The following NOL4 variants were observed in gnomAD, a reference collection of about 807,000 sequenced individuals.
NOL4 encodes the protein nucleolar protein 4.
A neutral mutation model predicts 75.9 loss-of-function variants in NOL4; 17 were observed. The observed-to-expected ratio is 0.22, with a 90% CI of 0.15 to 0.34. The LOEUF (loss-of-function observed/expected upper bound fraction) is 0.34, where lower values mean the gene tolerates loss of function less well. NOL4 is among the 10% of genes least tolerant of loss of function. NOL4 has a pLI of 1.00. For synonymous variants in NOL4, 292 were observed against 289.9 expected, an observed-to-expected ratio of 1.01 and a Z score of -0.07; for missense variants, 614 against 793.5, an observed-to-expected ratio of 0.77 and a Z score of 2.72.
At chr18:33,922,701 T>C (rs1404348296) in intron 9 of NOL4, among the ~76,000 whole-genome samples, 2 of 152,212 alleles carry the variant, frequency 1.3e-5, no homozygotes, top group Admixed American at 1.3e-4. Flanking sequence ...AATTTTGTGC[T>C]ACTGAAACTA....
In NOL4 at chr18:33,938,188, C is replaced by T. The variant is rs1045127770; in HGVS notation, c.1542+4877G>A. On this transcript the variant is annotated intron_variant, in intron 9 of 10. Transcript: ENST00000261592. ...CACAAATCATTCCACCTCTCTGGGC[C>T]GCAGTTTTCTTACATGTAAATGAGA... Among the ~76,000 whole-genome samples the T allele has an allele frequency of 2.1e-4, 32 of 151,922 alleles. No individual in the cohort carries two copies. The East Asian group carries it at 2.3e-3, about 11-fold the overall frequency.
intron 6 of NOL4, among the ~76,000 whole-genome samples, chr18:34,009,434 T>C (rs910010905): frequency 1.3e-5 from 2 of 151,960 alleles, no homozygotes; most frequent in Non-Finnish European, 2.9e-5. Context: ...AACTTCCAAA[T>C]GAATATTAAC....
At chr18:33,965,973 T>C (rs1179486621) in intron 6 of NOL4, among the ~76,000 whole-genome samples, 1 of 152,178 alleles carries the variant, frequency 6.6e-6, no homozygotes, top group Admixed American at 6.5e-5. Context: ...TGGTTCATTG[T>C]AGTCTCTATT....
intron 9 of NOL4, among the ~76,000 whole-genome samples, chr18:33,892,703 G>C (rs931870014): frequency 6.6e-6 from 1 of 151,582 alleles, no homozygotes; most frequent in Non-Finnish European, 1.5e-5. Context: ...TGTCACCCAG[G>C]CTGGAGTGCA....
chr18:34,111,589 A>G (rs1448924107), intron 2 of NOL4, among the ~76,000 whole-genome samples: 1 of 152,162 alleles, frequency 6.6e-6, no homozygotes, highest in African/African-American at 2.4e-5. Flanking sequence ...TTCCATAACT[A>G]TGGGTAATAA....
At chr18:33,873,640 C>G (rs926881714) in intron 10 of NOL4, among the ~76,000 whole-genome samples, 1 of 151,894 alleles carries the variant, frequency 6.6e-6, no homozygotes, top group African/African-American at 2.4e-5. Flanking sequence ...AGTCAAGATC[C>G]CTTAAGAGGC....
At chr18:33,883,141 G>A (rs535526564) in intron 10 of NOL4, 103 bp downstream of exon 10, 2 of 786,374 alleles carry the variant, frequency 2.5e-6, no homozygotes, top group Non-Finnish European at 4.0e-6. Flanking sequence ...CACCAGCATG[G>A]CACATGTATA....
intron 9 of NOL4, among the ~76,000 whole-genome samples, chr18:33,894,360 T>G (rs185297199): frequency 3.9e-5 from 6 of 152,088 alleles, no homozygotes. Context: ...CCCTCACATA[T>G]ACAACAACAC....
chr18:33,985,661 A>G (rs2072380403), intron 6 of NOL4, among the ~76,000 whole-genome samples: 1 of 152,102 alleles, frequency 6.6e-6, no homozygotes, highest in African/African-American at 2.4e-5. Context: ...AAACCCACTA[A>G]CTGTCACAAT....
chr18:33,965,308 C>A (rs909957846), intron 6 of NOL4, among the ~76,000 whole-genome samples: 1 of 151,902 alleles, frequency 6.6e-6, no homozygotes, highest in African/African-American at 2.4e-5. Context: ...GACCTCCATC[C>A]CTAAAAAACA....
intron 6 of NOL4, among the ~76,000 whole-genome samples, chr18:33,985,765 C>T (rs1460402390): frequency 2.6e-5 from 4 of 152,032 alleles, no homozygotes; most frequent in African/African-American, 9.7e-5. Context: ...CATAATCTAT[C>T]TTTGTTGTAT....
chr18:33,965,739 T>C (rs1255048650), intron 6 of NOL4, among the ~76,000 whole-genome samples: 1 of 152,170 alleles, frequency 6.6e-6, no homozygotes, highest in Non-Finnish European at 1.5e-5. Flanking sequence ...TCCACCAGGA[T>C]TGTAAGTTTC....
intron 9 of NOL4, among the ~76,000 whole-genome samples, chr18:33,887,189 C>T: frequency 7.1e-6 from 1 of 141,058 alleles, no homozygotes; most frequent in African/African-American, 2.6e-5. Flanking sequence ...TATTATATAC[C>T]CACAAAAATT....
intron 1 of NOL4, among the ~76,000 whole-genome samples, chr18:34,219,037 C>T (rs969968905): frequency 1.3e-5 from 2 of 152,152 alleles, no homozygotes; most frequent in Non-Finnish European, 2.9e-5. Flanking sequence ...ATTATAATCA[C>T]TGTACAGTAA....
Position 33,885,189 on chromosome 18 carries a change from T to A in NOL4, c.1543-1765A>T, listed in dbSNP as rs564191149. Among the ~76,000 whole-genome samples the A allele has an allele frequency of 1.1e-4, 17 of 152,266 alleles. No homozygotes were observed. In the South Asian group the frequency reaches 3.5e-3, roughly 32 times the overall value. ...AAAAAATCATTCCTCTGAGATATAT[T>A]TAATGCAAACATTAATTGACTGAAA... On this transcript the variant is annotated intron_variant, in intron 9 of 10. Transcript: ENST00000261592.
intron 1 of NOL4, among the ~76,000 whole-genome samples, chr18:34,140,022 G>C (rs2081073285): frequency 6.6e-6 from 1 of 152,166 alleles, no homozygotes; most frequent in Admixed American, 6.6e-5. Flanking sequence ...GTTCTAGTTT[G>C]ATTGCACTGT....
At chr18:33,869,497 C>T (rs1490136105) in intron 10 of NOL4, among the ~76,000 whole-genome samples, 1 of 151,856 alleles carries the variant, frequency 6.6e-6, no homozygotes, top group East Asian at 1.9e-4. Flanking sequence ...GAAAACCAGG[C>T]TCTAAGTTTG....
intron 2 of NOL4, among the ~76,000 whole-genome samples, chr18:34,107,120 A>G (rs1345187374): frequency 1.3e-5 from 2 of 152,138 alleles, no homozygotes; most frequent in Admixed American, 6.6e-5. Flanking sequence ...TCTTTTCCCC[A>G]TGCTAATGAA....
At chr18:34,038,435 G>C (rs1274939572) in intron 5 of NOL4, among the ~76,000 whole-genome samples, 1 of 151,962 alleles carries the variant, frequency 6.6e-6, no homozygotes, top group East Asian at 1.9e-4. Flanking sequence ...ACCTACACTA[G>C]CATGTTTATT....
Sources: gnomAD v4.1 joint callset for allele counts (sites outside exome capture counted in the v4.1 genomes callset) on GRCh38, gnomAD v4.1.1 for gene constraint, MANE v1.5 for transcripts, NCBI Gene and HGNC (gene_info 2026-07-23, HGNC 2026-07-21) for gene names.